CSPP1: variants seen among roughly 807,000 people sequenced by gnomAD.
CSPP1 encodes centrosome and spindle pole associated protein 1.
CSPP1 carries 126 observed loss-of-function variants against 164.4 expected under a neutral mutation model. The ratio of observed to expected loss-of-function variants is 0.77; its 90% CI spans 0.66 to 0.89. The LOEUF is 0.89. CSPP1 is among the 40% of genes least tolerant of loss of function. The probability of loss-of-function intolerance (pLI) is 0.00; values close to 1 mark genes in which losing one functional copy is unlikely to be tolerated. For missense variants in CSPP1, 1,395 were observed against 1,449.8 expected, an observed-to-expected ratio of 0.96 and a Z score of 0.61; for synonymous variants, 472 against 476.7, an observed-to-expected ratio of 0.99 and a Z score of 0.13.
intron 28 of CSPP1, among the ~76,000 whole-genome samples, chr8:67,189,857 G>A (rs1835726207): frequency 6.6e-6 from 1 of 152,096 alleles, no homozygotes; most frequent in South Asian, 2.1e-4. Context: ...TTTTTTCAAA[G>A]GAGTTGCGGA....
At chr8:67,168,887 G>C (rs150426872) in intron 24 of CSPP1, among the ~76,000 whole-genome samples, 195 of 152,268 alleles carry the variant, frequency 1.3e-3, no homozygotes, top group African/African-American at 4.0e-3. Flanking sequence ...CCAATTTAAT[G>C]GTCTCTTGGA....
At chr8:67,175,258 A>G in intron 25 of CSPP1, 38 bp from the exon 26 acceptor site, 1 of 1,500,908 alleles carries the variant, frequency 6.7e-7, no homozygotes, top group Non-Finnish European at 9.1e-7. Flanking sequence ...TTTGAAAACA[A>G]CATTTAACTT....
chr8:67,148,726 T>A (rs949805048), intron 17 of CSPP1, among the ~76,000 whole-genome samples: 8 of 152,246 alleles, frequency 5.3e-5, no homozygotes, highest in Admixed American at 5.2e-4. Flanking sequence ...CTTTCAGTGC[T>A]GCCATACTGT....
intron 2 of CSPP1, among the ~76,000 whole-genome samples, chr8:67,075,871 C>T (rs1807802652): frequency 6.6e-6 from 1 of 152,198 alleles, no homozygotes; most frequent in Non-Finnish European, 1.5e-5. Context: ...CTTTATGCAG[C>T]TCCAGAGTCT....
At chr8:67,110,965 A>G (rs1188675730) in intron 9 of CSPP1, among the ~76,000 whole-genome samples, 2 of 152,172 alleles carry the variant, frequency 1.3e-5, no homozygotes, top group East Asian at 3.8e-4. Flanking sequence ...TACTTTTATT[A>G]TAAAACACAG....
chr8:67,137,038 G>A (rs958220182), intron 16 of CSPP1, among the ~76,000 whole-genome samples: 1 of 152,048 alleles, frequency 6.6e-6, no homozygotes, highest in African/African-American at 2.4e-5. Context: ...CTGAAGTACA[G>A]TGGCATGATC....
chr8:67,141,735 G>C (rs1823549339), intron 17 of CSPP1, among the ~76,000 whole-genome samples: 2 of 152,178 alleles, frequency 1.3e-5, no homozygotes, highest in African/African-American at 4.8e-5. Flanking sequence ...TGGTGGTCTT[G>C]AACTCCTGAC....
intron 4 of CSPP1, among the ~76,000 whole-genome samples, chr8:67,091,459 A>G (rs1811589585): frequency 6.6e-6 from 1 of 152,238 alleles, no homozygotes; most frequent in African/African-American, 2.4e-5. Context: ...GAACAAAAAG[A>G]CAGTAGAGCA....
intron 10 of CSPP1, 126 bp downstream of exon 10, chr8:67,112,191 A>G (rs555156420): frequency 1.8e-6 from 1 of 551,124 alleles, no homozygotes; most frequent in African/African-American, 1.9e-5. Context: ...TTATATTTTC[A>G]TCTCTACATG....
At chr8:67,192,692 G>C (rs1202421894) in intron 29 of CSPP1, among the ~76,000 whole-genome samples, 1 of 151,804 alleles carries the variant, frequency 6.6e-6, no homozygotes, top group Non-Finnish European at 1.5e-5. Flanking sequence ...TGCACAGGGT[G>C]TGAGGTGCAG....
At chr8:67,160,726 T>G (rs1828180946) in intron 21 of CSPP1, among the ~76,000 whole-genome samples, 1 of 151,886 alleles carries the variant, frequency 6.6e-6, no homozygotes, top group Non-Finnish European at 1.5e-5. Flanking sequence ...TTCCTTCAGT[T>G]TTACCTTTGT....
intron 15 of CSPP1, among the ~76,000 whole-genome samples, chr8:67,122,097 A>T (rs1819085417): frequency 6.6e-6 from 1 of 151,684 alleles, no homozygotes; most frequent in South Asian, 2.1e-4. Context: ...TCCTGATTTT[A>T]ATAGAAGATT....
At chr8:67,184,801 G>A (rs949167364) in intron 28 of CSPP1, among the ~76,000 whole-genome samples, 6 of 147,370 alleles carry the variant, frequency 4.1e-5, no homozygotes, top group African/African-American at 1.2e-4. Flanking sequence ...CAGGTCCCAT[G>A]AACGTTAAAA....
intron 18 of CSPP1, 29 bp downstream of exon 18, chr8:67,149,964 T>C: frequency 6.6e-7 from 1 of 1,522,482 alleles, no homozygotes; most frequent in Non-Finnish European, 8.8e-7. Context: ...TTTTTTTTTT[T>C]TTTTTTTACA....
At position 67,195,818 on chromosome 8, in the gene CSPP1, A is replaced by G. The variant is rs1037320769; in HGVS notation, c.*225A>G. On this transcript the variant is annotated 3_prime_UTR_variant, in exon 31 of 31. Transcript: ENST00000678616. ...TAGATTATTTTTGCACAGTTTTGTC[A>G]TAAATTAGGGTGGTAATGAACTGGA... 6.7e-5 allele frequency: 33 copies of G among 495,010 alleles called. 1 individual carries two copies. In the South Asian group the frequency reaches 8.3e-4, roughly 12 times the overall value. 30.7% of individuals were successfully genotyped at this position (495,010 alleles called of 1,614,324 possible).
intron 28 of CSPP1, 123 bp from the exon 29 acceptor site, chr8:67,190,527 A>G (rs192573410): frequency 3.6e-4 from 252 of 702,296 alleles, no homozygotes; most frequent in Non-Finnish European, 5.8e-4. Context: ...GTGTATGTAC[A>G]TACATTGAGT....
chr8:67,195,074 T>TTGAC (rs1288666481), intron 30 of CSPP1, among the ~76,000 whole-genome samples: 1 of 152,210 alleles, frequency 6.6e-6, no homozygotes, highest in African/African-American at 2.4e-5. Context: ...ATTCCTCCTG[T>TTGAC]TGACTTTGTT....
chr8:67,190,703 T>C lies in CSPP1; in HGVS notation c.3274T>C (p.Ser1092Pro). The C allele has an allele frequency of 6.2e-7, 1 of 1,614,126 alleles. No individual in the cohort carries two copies. The highest frequency in any genetic ancestry group is 1.3e-5 in the African/African-American group (1 of 75,024). Residue 1092 changes from serine to proline, a missense_variant, in exon 29 of 31, where the codon TCA (serine) becomes CCA (proline). Transcript: ENST00000678616. ...AIEDDVLPPP[S>P]QLPSARERRR... ...TGAAGATGACGTCCTCCCTCCACCA[T>C]CACAGTTGCCCTCTGCACGGGAGCG...
At chr8:67,190,575 A>G in intron 28 of CSPP1, 75 bp from the exon 29 acceptor site, 1 of 1,083,402 alleles carries the variant, frequency 9.2e-7, no homozygotes, top group Non-Finnish European at 1.4e-6. Context: ...TTAGTAATTA[A>G]AAGGCTCTTG....
Sources: allele counts gnomAD v4.1 joint callset (sites outside exome capture counted in the v4.1 genomes callset), GRCh38; gene constraint gnomAD v4.1.1; transcripts MANE v1.5; gene names NCBI Gene and HGNC (gene_info 2026-07-23, HGNC 2026-07-21).